The following ZNF555 variants were observed in gnomAD, a reference collection of about 807,000 sequenced individuals.
The protein encoded by ZNF555 is zinc finger protein 555.
ZNF555 carries 10 observed loss-of-function variants against 14.0 expected under a neutral mutation model. The ratio of observed to expected loss-of-function variants is 0.72; its 90% CI spans 0.44 to 1.21. ZNF555 has a LOEUF of 1.21. Ranked by LOEUF, ZNF555 falls within the 50% of genes most tolerant of loss-of-function variation. The pLI is 0.00. For missense variants in ZNF555, 747 were observed against 762.0 expected (o/e 0.98, Z 0.23); for synonymous variants, 277 against 262.4 (o/e 1.06, Z -0.54).
chr19:2,848,475 G>A (rs566158242), intron 1 of ZNF555, among the ~76,000 whole-genome samples: 18 of 151,314 alleles, frequency 1.2e-4, no homozygotes, highest in Non-Finnish European at 2.1e-4. Flanking sequence ...TTTAGATGAA[G>A]TCTTACTGTG....
At chr19:2,852,341 CATT>C in intron 3 of ZNF555, 36 bp from the exon 4 acceptor site, 2 of 1,609,886 alleles carry the variant, frequency 1.2e-6, no homozygotes, top group East Asian at 2.2e-5. Context: ...ACTAACAAAT[CATT>C]ATTAATCAAA....
Position 2,852,827 on chromosome 19 carries a change from G to A in ZNF555, c.762G>A (p.Lys254=). The A allele has an allele frequency of 1.2e-6, 2 of 1,614,174 alleles. No homozygotes were observed. Among genetic ancestry groups the A allele is most frequent in the African/African-American group, 1.3e-5 (1 of 75,052 alleles). Residue 254 remains lysine (K), a synonymous_variant, in exon 4 of 4, where the codon AAG becomes AAA. Transcript: ENST00000334241. ...TSHLRSHTGE[K]PYKCKECGKA... Reference sequence around the variant, plus strand: ...ATCTCAGAAGTCACACCGGAGAGAAGCCATATAAGTGTAAGGAATGTGGGA... The same window carrying A: ...ATCTCAGAAGTCACACCGGAGAGAAACCATATAAGTGTAAGGAATGTGGGA...
chr19:2,844,705 A>T (rs988575263), intron 1 of ZNF555, among the ~76,000 whole-genome samples: 7 of 152,218 alleles, frequency 4.6e-5, no homozygotes, highest in African/African-American at 1.7e-4. Flanking sequence ...ACCCTCCCCA[A>T]ATCCAGGCTA....
Position 2,853,821 on chromosome 19 carries a change from C to T in ZNF555, c.1756C>T (p.His586Tyr). 1 of 1,613,660 alleles carries T rather than the reference C, an allele frequency of 6.2e-7. No homozygotes were observed. The highest frequency in any genetic ancestry group is 8.5e-7 in the Non-Finnish European group (1 of 1,179,788). The change falls in exon 4 of 4, where the codon CAC becomes TAC. Residue 586 changes from histidine to tyrosine, a missense_variant. Coordinates refer to ENST00000334241, the MANE Select transcript of ZNF555 (RefSeq NM_152791.5). The part of the protein sequence containing the change: ...SSSLRRHVRI[H>Y]TTEKQYKCNV... ...ATCCTTAAGGCGACATGTGAGAATA[C>T]ACACTACAGAAAAACAGTATAAGTG...
Position 2,852,891 on chromosome 19 carries a change from A to G in ZNF555, c.826A>G (p.Ile276Val), listed in dbSNP as rs202164807. 5.3e-5 allele frequency: 86 copies of G among 1,614,238 alleles called. No homozygotes were observed. The highest frequency in any genetic ancestry group is 6.7e-5 in the Non-Finnish European group (79 of 1,180,032). ...SYSSTFRRHT[I>V]THTGEKPYKC... The stretch of plus-strand genomic sequence containing the variant: ...TTCCTCAACGTTTCGAAGACACACA[A>G]TAACACACACTGGCGAGAAGCCATA... Residue 276 changes from isoleucine to valine, a missense_variant, in exon 4 of 4, where the codon ATA becomes GTA. Transcript: ENST00000334241.
At position 2,853,941 on chromosome 19, in the gene ZNF555, T is replaced by C; in HGVS notation, c.1876T>C (p.Leu626=). 1.9e-6 allele frequency: 3 copies of C among 1,613,650 alleles called. No individual in the cohort carries two copies. The highest frequency in any genetic ancestry group is 1.7e-6 in the Non-Finnish European group (2 of 1,180,016). ...TCTGATCAAAGTTGTAAATATGGTG[T>C]TGCCTTTATGAGTTCCTTATCCTGA... ...RDLIKVVNMV[L]PL Residue 626 remains leucine, a synonymous_variant, in exon 4 of 4, where the codon TTG becomes CTG. Transcript: ENST00000334241.
intron 1 of ZNF555, among the ~76,000 whole-genome samples, chr19:2,846,225 T>A (rs1343906670): frequency 6.6e-6 from 1 of 152,234 alleles, no homozygotes; most frequent in Non-Finnish European, 1.5e-5. Context: ...AGATGTCCTT[T>A]GTGGGAAGTT....
intron 1 of ZNF555, 71 bp from the exon 2 acceptor site, chr19:2,850,516 A>G: frequency 6.4e-7 from 1 of 1,573,948 alleles, no homozygotes; most frequent in East Asian, 2.3e-5. Context: ...TGAACTACAT[A>G]CGAATTGAGT....
chr19:2,844,552 A>G (rs776743049), intron 1 of ZNF555, among the ~76,000 whole-genome samples: 1 of 152,214 alleles, frequency 6.6e-6, no homozygotes, highest in Non-Finnish European at 1.5e-5. Flanking sequence ...GGGTGTTTTA[A>G]AATTGGCGGC....
At position 2,850,676 on chromosome 19, in the gene ZNF555, T is replaced by C; in HGVS notation, c.93T>C (p.Asp31=). ...LDSAQRDLYR[D]VMLETFQNLA... is the part of the protein sequence containing the mutation. ...CTGCTCAGAGGGACCTCTACAGAGA[T>C]GTGATGCTGGAGACCTTTCAGAACC... is the stretch of plus-strand genomic sequence containing the variant. Residue 31 remains aspartate (D), a synonymous_variant, in exon 2 of 4, where the codon GAT becomes GAC. Transcript: ENST00000334241. 6.2e-7 allele frequency: 1 copy of C among 1,613,940 alleles called. No individual in the cohort carries two copies. Among genetic ancestry groups the C allele is most frequent in the Non-Finnish European group, 8.5e-7 (1 of 1,179,864 alleles).
Position 2,853,896 on chromosome 19 carries a change from A to G in ZNF555, c.1831A>G (p.Lys611Glu), listed in dbSNP as rs772399115. 1 of 1,613,866 alleles carries G rather than the reference A, an allele frequency of 6.2e-7. No homozygotes were observed. Among genetic ancestry groups the G allele is most frequent in the African/African-American group, 1.3e-5 (1 of 74,930 alleles). The stretch of plus-strand genomic sequence containing the variant: ...TGAATTCATGTGCAGTGCTTCAGAA[A>G]AGTCACACCAGGAGAGAGATCTGAT... ...ANEFMCSASE[K>E]SHQERDLIKV... Residue 611 changes from lysine (K) to glutamate (E), a missense_variant, in exon 4 of 4, where the codon AAG becomes GAG. By Grantham distance (56) the Lys-to-Glu change is moderately conservative (BLOSUM62 1). Coordinates refer to ENST00000334241, the MANE Select transcript of ZNF555 (RefSeq NM_152791.5).
chr19:2,850,223 T>C (rs1228171486), intron 1 of ZNF555, among the ~76,000 whole-genome samples: 1 of 152,210 alleles, frequency 6.6e-6, no homozygotes, highest in African/African-American at 2.4e-5. Context: ...AATGATGGTG[T>C]GTGCAGCAGG....
chr19:2,850,749 T>C, intron 2 of ZNF555, 36 bp downstream of exon 2: 1 of 1,609,806 alleles, frequency 6.2e-7, no homozygotes, highest in African/African-American at 1.3e-5. Context: ...CACGTAGTTA[T>C]TGAGAGAACA....
intron 1 of ZNF555, among the ~76,000 whole-genome samples, chr19:2,843,807 C>G (rs1386727755): frequency 6.6e-6 from 1 of 152,216 alleles, no homozygotes; most frequent in Non-Finnish European, 1.5e-5. Context: ...CCGGCCCTGG[C>G]ACTGATCAGA....
intron 1 of ZNF555, among the ~76,000 whole-genome samples, chr19:2,847,568 A>G (rs1056162851): frequency 6.6e-6 from 1 of 152,218 alleles, no homozygotes; most frequent in Non-Finnish European, 1.5e-5. Flanking sequence ...AATCCTTGGA[A>G]TATAGTAGAT....
In ZNF555 at chr19:2,859,753, TC is replaced by T. The variant is rs1447132576; in HGVS notation, c.*5803del. 6.5e-6 allele frequency: 1 copy of T among 152,722 alleles called. No individual in the cohort carries two copies. The highest frequency in any genetic ancestry group is 1.5e-5 in the Non-Finnish European group (1 of 68,176). The allele number at this position is 152,722 out of a possible 1,614,324, so 9.5% of individuals were successfully genotyped here. A position where few individuals can be genotyped will look rare whatever the true frequency, so the allele number is the denominator to read the frequency against. ...CTCCATCAAAACGGCTGAAGGACCT[TC>T]CTTTAGGGTTCGGGGGATCTCCTCC... On this transcript the variant is annotated 3_prime_UTR_variant, in exon 4 of 4. Transcript: ENST00000334241.
intron 1 of ZNF555, among the ~76,000 whole-genome samples, chr19:2,850,236 A>C (rs1254895206): frequency 6.6e-6 from 1 of 152,172 alleles, no homozygotes; most frequent in Non-Finnish European, 1.5e-5. Flanking sequence ...GCAGCAGGGG[A>C]GGAGCTAAAA....
intron 1 of ZNF555, among the ~76,000 whole-genome samples, chr19:2,844,507 G>A (rs528979294): frequency 6.6e-6 from 1 of 152,324 alleles, no homozygotes; most frequent in Non-Finnish European, 1.5e-5. Flanking sequence ...CCCGAGTGCT[G>A]GAATTATAGG....
At chr19:2,848,949 C>T (rs950630462) in intron 1 of ZNF555, among the ~76,000 whole-genome samples, 13 of 152,130 alleles carry the variant, frequency 8.5e-5, no homozygotes, top group African/African-American at 2.7e-4. Context: ...GCCAGAAAGC[C>T]GTTCTAAGGA....
Sources: gnomAD v4.1 joint callset for allele counts (sites outside exome capture counted in the v4.1 genomes callset) on GRCh38, gnomAD v4.1.1 for gene constraint, MANE v1.5 for transcripts, NCBI Gene and HGNC (gene_info 2026-07-23, HGNC 2026-07-21) for gene names.